Variants in SKAP1 observed in about 807,000 individuals in gnomAD.
The protein encoded by SKAP1 is src kinase associated phosphoprotein 1.
SKAP1 carries 44 observed loss-of-function variants against 58.5 expected under a neutral mutation model. The observed-to-expected ratio is 0.75, with a 90% CI of 0.59 to 0.97. The LOEUF (loss-of-function observed/expected upper bound fraction) is 0.97, where lower values mean the gene tolerates loss of function less well. SKAP1 is among the 50% of genes least tolerant of loss of function. SKAP1 has a pLI of 0.00. For synonymous variants in SKAP1, 127 were observed against 149.7 expected, an observed-to-expected ratio of 0.85 and a Z score of 1.11; for missense variants, 390 against 435.2, an observed-to-expected ratio of 0.90 and a Z score of 0.92.
intron 4 of SKAP1, among the ~76,000 whole-genome samples, chr17:48,285,606 C>A (rs1441614983): frequency 1.4e-5 from 2 of 138,106 alleles, no homozygotes; most frequent in African/African-American, 5.4e-5. Context: ...CAGAGCAAGA[C>A]TCCATCTGAA....
chr17:48,329,722 A>C (rs545339436), intron 4 of SKAP1, among the ~76,000 whole-genome samples: 2 of 152,234 alleles, frequency 1.3e-5, no homozygotes, highest in South Asian at 4.1e-4. Flanking sequence ...AAACAAAAAA[A>C]CAAAAAACAA....
At chr17:48,413,209 G>T (rs553243019) in intron 1 of SKAP1, among the ~76,000 whole-genome samples, 2 of 152,024 alleles carry the variant, frequency 1.3e-5, no homozygotes, top group South Asian at 2.1e-4. Context: ...CTTCAGACCA[G>T]TATATAAAAC....
the SKAP1 span, among the ~76,000 whole-genome samples, chr17:48,436,411 C>T: frequency 6.6e-6 from 1 of 152,108 alleles, no homozygotes; most frequent in Non-Finnish European, 1.5e-5. Context: ...TATCCCTGGA[C>T]TCCCATTCCC....
chr17:48,264,084 A>G (rs1380110350), intron 4 of SKAP1, among the ~76,000 whole-genome samples: 1 of 151,904 alleles, frequency 6.6e-6, no homozygotes, highest in Non-Finnish European at 1.5e-5. Flanking sequence ...TAAAAATCTG[A>G]CTTTAGACTA....
intron 4 of SKAP1, among the ~76,000 whole-genome samples, chr17:48,307,100 T>C (rs2066152638): frequency 6.6e-6 from 1 of 152,236 alleles, no homozygotes; most frequent in African/African-American, 2.4e-5. Context: ...TATTTTATTA[T>C]AGTAGTAGAC....
At chr17:48,350,828 ATTG>A (rs1164118560) in intron 3 of SKAP1, among the ~76,000 whole-genome samples, 1 of 152,188 alleles carries the variant, frequency 6.6e-6, no homozygotes, top group African/African-American at 2.4e-5. Context: ...ATTTTAAATT[ATTG>A]TTGTTGTTGG....
chr17:48,323,441 A>T (rs570868985), intron 4 of SKAP1, among the ~76,000 whole-genome samples: 16 of 152,208 alleles, frequency 1.1e-4, no homozygotes, highest in African/African-American at 3.6e-4. Flanking sequence ...TCTCACTTAG[A>T]TCATTAGAAA....
chr17:48,263,673 C>T (rs889086841), intron 4 of SKAP1, among the ~76,000 whole-genome samples: 1 of 152,166 alleles, frequency 6.6e-6, no homozygotes, highest in African/African-American at 2.4e-5. Context: ...AAAATATGTC[C>T]GTTCTTGTCT....
At chr17:48,334,415 C>T (rs907292254) in intron 4 of SKAP1, among the ~76,000 whole-genome samples, 6 of 151,900 alleles carry the variant, frequency 3.9e-5, no homozygotes, top group Admixed American at 2.0e-4. Context: ...AGAATGTATA[C>T]CCAAGAACAA....
chr17:48,422,581 G>A (rs917581175), intron 1 of SKAP1, among the ~76,000 whole-genome samples: 1 of 152,156 alleles, frequency 6.6e-6, no homozygotes, highest in African/African-American at 2.4e-5. Context: ...GTAAATGGTA[G>A]TAAGAAAGTG....
chr17:48,243,916 C>T (rs879808841), intron 4 of SKAP1, among the ~76,000 whole-genome samples: 2 of 152,052 alleles, frequency 1.3e-5, no homozygotes, highest in Non-Finnish European at 2.9e-5. Context: ...GCAGATATGG[C>T]ACCTGTTGGT....
At chr17:48,203,393 T>G (rs1333842320) in intron 4 of SKAP1, among the ~76,000 whole-genome samples, 1 of 152,184 alleles carries the variant, frequency 6.6e-6, no homozygotes, top group South Asian at 2.1e-4. Flanking sequence ...AATAGCAAAG[T>G]TTAGAAGACA....
intron 2 of SKAP1, among the ~76,000 whole-genome samples, chr17:48,381,444 T>G (rs1402642551): frequency 6.6e-6 from 1 of 152,150 alleles, no homozygotes; most frequent in Non-Finnish European, 1.5e-5. Context: ...CAAAAACCTA[T>G]CCCATTCACC....
chr17:48,371,676 A>AAAAAAAAAAAAAAAAC, intron 2 of SKAP1, among the ~76,000 whole-genome samples: 1 of 144,162 alleles, frequency 6.9e-6, no homozygotes, highest in Non-Finnish European at 1.5e-5. Context: ...AAAAAAAAAA[A>AAAAAAAAAAAAAAAAC]AAAAAAAAAA....
chr17:48,199,064 T>C (rs2064688558), intron 4 of SKAP1, among the ~76,000 whole-genome samples: 1 of 152,174 alleles, frequency 6.6e-6, no homozygotes, highest in Non-Finnish European at 1.5e-5. Context: ...TGACGAAATG[T>C]CATTTTCAGA....
chr17:48,347,331 G>A (rs1424732448), intron 3 of SKAP1, among the ~76,000 whole-genome samples: 1 of 152,156 alleles, frequency 6.6e-6, no homozygotes, highest in East Asian at 1.9e-4. Flanking sequence ...TTTGGCCTTG[G>A]ATTTCAACTA....
chr17:48,412,907 A>G (rs1249448461), intron 1 of SKAP1, among the ~76,000 whole-genome samples: 1 of 152,116 alleles, frequency 6.6e-6, no homozygotes, highest in Non-Finnish European at 1.5e-5. Flanking sequence ...AGGAGGTCAC[A>G]TGTTAATTTA....
chr17:48,286,131 G>A lies in SKAP1; in HGVS notation c.280+59774C>T, dbSNP rs1419589128. On this transcript the variant is annotated intron_variant, in intron 4 of 12. Coordinates refer to ENST00000336915, the MANE Select transcript of SKAP1 (RefSeq NM_003726.4). The stretch of plus-strand genomic sequence containing the variant: ...GGCTACCTCAAATGCTTGATGAAAG[G>A]AGAAAACATAGAAACAAACAAGAAG... Among the ~76,000 whole-genome samples the A allele has an allele frequency of 3.3e-5, 5 of 152,186 alleles. No individual in the cohort carries two copies. In the East Asian group the frequency reaches 9.6e-4, roughly 29 times the overall value.
At chr17:48,344,210 A>G (rs2066692613) in intron 4 of SKAP1, 1 of 431,090 alleles carries the variant, frequency 2.3e-6, no homozygotes, top group Non-Finnish European at 3.1e-6. Context: ...GATAAATTTT[A>G]TTTATAGATT....
Sources: gnomAD v4.1 joint callset for allele counts (sites outside exome capture counted in the v4.1 genomes callset) on GRCh38, gnomAD v4.1.1 for gene constraint, MANE v1.5 for transcripts, NCBI Gene and HGNC (gene_info 2026-07-23, HGNC 2026-07-21) for gene names.